LDLRAD3: variants seen among roughly 807,000 people sequenced by gnomAD.
The protein encoded by LDLRAD3 is low density lipoprotein receptor class A domain containing 3, also known as low-density lipoprotein receptor class A domain-containing protein 3.
In LDLRAD3, 20 loss-of-function variants were observed where a neutral mutation model predicts 29.4. The ratio of observed to expected loss-of-function variants is 0.68; its 90% CI spans 0.48 to 0.99. The LOEUF (loss-of-function observed/expected upper bound fraction) is 0.99. LDLRAD3 is among the 50% of genes least tolerant of loss of function. The pLI is 0.00. For missense variants in LDLRAD3, 420 were observed against 454.3 expected (o/e 0.92, Z 0.69); for synonymous variants, 157 against 192.7 (o/e 0.81, Z 1.53).
chr11:36,046,686 G>A (rs77307235), intron 2 of LDLRAD3, among the ~76,000 whole-genome samples: 4,724 of 152,250 alleles, frequency 0.031, 232 homozygotes, highest in Admixed American at 0.13. Flanking sequence ...TATTGAGGAG[G>A]TAAAGCTCCC....
chr11:36,090,178 C>T (rs1218398180), intron 3 of LDLRAD3, among the ~76,000 whole-genome samples: 1 of 152,124 alleles, frequency 6.6e-6, no homozygotes, highest in African/African-American at 2.4e-5. Flanking sequence ...TTGGAATTGT[C>T]AGCTGGGGCA....
At chr11:36,178,747 C>T (rs1336784618) in intron 4 of LDLRAD3, among the ~76,000 whole-genome samples, 1 of 152,208 alleles carries the variant, frequency 6.6e-6, no homozygotes, top group East Asian at 1.9e-4. Flanking sequence ...CAAATACCAC[C>T]TACCTGATGA....
At chr11:36,141,394 A>G (rs1330778950) in intron 4 of LDLRAD3, among the ~76,000 whole-genome samples, 4 of 152,168 alleles carry the variant, frequency 2.6e-5, no homozygotes, top group Non-Finnish European at 5.9e-5. Context: ...GAAAGCAGGG[A>G]TCGAATTTTT....
intron 4 of LDLRAD3, among the ~76,000 whole-genome samples, chr11:36,108,319 C>CAAAAAAAAAAAAAA (rs60376519): frequency 1.4e-4 from 7 of 48,980 alleles, no homozygotes; most frequent in Admixed American, 3.8e-4. Context: ...GACTCCATCT[C>CAAAAAAAAAAAAAA]AAAAAAAAAA....
chr11:35,998,541 A>G (rs545079072), intron 1 of LDLRAD3, among the ~76,000 whole-genome samples: 2 of 152,334 alleles, frequency 1.3e-5, no homozygotes, highest in East Asian at 3.9e-4. Context: ...CAATCAAACA[A>G]CAAAACAAAA....
chr11:36,189,273 G>A (rs1263478075), intron 4 of LDLRAD3, among the ~76,000 whole-genome samples: 2 of 152,108 alleles, frequency 1.3e-5, no homozygotes, highest in African/African-American at 2.4e-5. Flanking sequence ...ATCACTTGAG[G>A]TGAGGAGTTC....
chr11:36,045,968 C>T (rs1852444465), intron 2 of LDLRAD3, among the ~76,000 whole-genome samples: 1 of 151,992 alleles, frequency 6.6e-6, no homozygotes, highest in Admixed American at 6.6e-5. Context: ...TCCCTTCGTC[C>T]CCCACCCCCA....
intron 3 of LDLRAD3, among the ~76,000 whole-genome samples, chr11:36,097,977 C>G (rs1237027159): frequency 1.3e-5 from 2 of 152,224 alleles, no homozygotes; most frequent in Non-Finnish European, 2.9e-5. Context: ...AAGAATGACC[C>G]TGTGCTGTCA....
At chr11:36,195,970 A>C (rs1186536688) in intron 4 of LDLRAD3, among the ~76,000 whole-genome samples, 1 of 151,966 alleles carries the variant, frequency 6.6e-6, no homozygotes, top group South Asian at 2.1e-4. Flanking sequence ...TGATTCAAGG[A>C]CATACTAAGC....
At chr11:35,964,615 A>G (rs1341483891) in intron 1 of LDLRAD3, among the ~76,000 whole-genome samples, 1 of 152,154 alleles carries the variant, frequency 6.6e-6, no homozygotes, top group Non-Finnish European at 1.5e-5. Context: ...GATGCAGGCT[A>G]GAGGGAAGAA....
chr11:36,055,858 A>G (rs576883066), intron 2 of LDLRAD3, among the ~76,000 whole-genome samples: 18 of 152,344 alleles, frequency 1.2e-4, no homozygotes, highest in African/African-American at 4.3e-4. Context: ...TCCTTGTGAA[A>G]ATACAGAATG....
chr11:36,194,154 G>C (rs1471256296), intron 4 of LDLRAD3, among the ~76,000 whole-genome samples: 1 of 151,978 alleles, frequency 6.6e-6, no homozygotes, highest in Admixed American at 6.6e-5. Context: ...GCAGGGCCCG[G>C]ATGTTTTGTC....
At chr11:36,126,389 G>GT (rs1853837910) in intron 4 of LDLRAD3, among the ~76,000 whole-genome samples, 1 of 152,100 alleles carries the variant, frequency 6.6e-6, no homozygotes, top group Non-Finnish European at 1.5e-5. Context: ...TTATCCCACT[G>GT]TAATCACTCC....
intron 4 of LDLRAD3, among the ~76,000 whole-genome samples, chr11:36,126,891 C>T (rs1853846059): frequency 6.6e-6 from 1 of 152,154 alleles, no homozygotes; most frequent in Admixed American, 6.5e-5. Flanking sequence ...CAGAGTTAAA[C>T]CCACTGCCGA....
At chr11:36,025,596 A>G (rs1298031067) in intron 1 of LDLRAD3, among the ~76,000 whole-genome samples, 1 of 151,236 alleles carries the variant, frequency 6.6e-6, no homozygotes, top group Admixed American at 6.6e-5. Context: ...TCACCCTGTT[A>G]GCCAGGATGG....
chr11:36,198,848 T>C (rs1855073501), intron 4 of LDLRAD3, among the ~76,000 whole-genome samples: 1 of 152,246 alleles, frequency 6.6e-6, no homozygotes. Flanking sequence ...AATGAAAGCC[T>C]CTGTTTACAC....
At chr11:36,036,026 C>A in intron 1 of LDLRAD3, 77 bp from the exon 2 acceptor site, 2 of 1,480,978 alleles carry the variant, frequency 1.4e-6, no homozygotes, top group Non-Finnish European at 9.2e-7. Context: ...CTATACCAAA[C>A]CACACACCTT....
chr11:35,964,393 T>C (rs1214674964), intron 1 of LDLRAD3, among the ~76,000 whole-genome samples: 1 of 152,212 alleles, frequency 6.6e-6, no homozygotes, highest in Non-Finnish European at 1.5e-5. Context: ...GTGTGAGTCC[T>C]GGGCTTTTCC....
At chr11:36,096,759 C>T (rs1323666432) in intron 3 of LDLRAD3, among the ~76,000 whole-genome samples, 1 of 152,248 alleles carries the variant, frequency 6.6e-6, no homozygotes, top group Non-Finnish European at 1.5e-5. Context: ...TCTGCTCTTG[C>T]CATCTTGAGT....
Sources: gnomAD v4.1 joint callset for allele counts (sites outside exome capture counted in the v4.1 genomes callset) on GRCh38, gnomAD v4.1.1 for gene constraint, MANE v1.5 for transcripts, NCBI Gene and HGNC (gene_info 2026-07-23, HGNC 2026-07-21) for gene names.